SGIP1: variants seen among roughly 807,000 people sequenced by gnomAD.
The protein encoded by SGIP1 is SH3GL interacting endocytic adaptor 1.
SGIP1 carries 38 observed loss-of-function variants against 107.5 expected under a neutral mutation model. The observed-to-expected ratio is 0.35, with a 90% CI of 0.27 to 0.46. The LOEUF is 0.46. Ranked by LOEUF, SGIP1 falls within the 20% of genes least tolerant of loss-of-function variation. The pLI is 1.00. For synonymous variants in SGIP1, 365 were observed against 366.1 expected (o/e 1.00, Z 0.03); for missense variants, 929 against 1,019.5 (o/e 0.91, Z 1.21).
intron 3 of SGIP1, among the ~76,000 whole-genome samples, chr1:66,634,849 T>A (rs1331069344): frequency 2.0e-5 from 3 of 152,238 alleles, no homozygotes; most frequent in African/African-American, 7.2e-5. Flanking sequence ...CCACGTTTAC[T>A]ATGGTCACTG....
intron 1 of SGIP1, among the ~76,000 whole-genome samples, chr1:66,574,530 A>C (rs2060798033): frequency 1.3e-5 from 2 of 152,152 alleles, no homozygotes; most frequent in Admixed American, 6.6e-5. Context: ...GAGAACAATT[A>C]GATTGTTTTT....
At chr1:66,615,989 A>G (rs1347058011) in intron 1 of SGIP1, 1 of 152,246 alleles carries the variant, frequency 6.6e-6, no homozygotes. Context: ...AAGTAGAAGG[A>G]GCACTGACCT....
chr1:66,602,640 T>TAATAAATAAATAAATA (rs59060604), intron 1 of SGIP1, among the ~76,000 whole-genome samples: 18 of 150,638 alleles, frequency 1.2e-4, no homozygotes, highest in African/African-American at 3.6e-4. Flanking sequence ...TAAAGTATAA[T>TAATAAATAAATAAATA]AATAAATAAA....
chr1:66,547,119 A>G (rs975423015), intron 1 of SGIP1, among the ~76,000 whole-genome samples: 7 of 152,206 alleles, frequency 4.6e-5, no homozygotes, highest in Non-Finnish European at 1.5e-5. Context: ...GTTGGGTTAG[A>G]TATTTTGAAG....
intron 7 of SGIP1, among the ~76,000 whole-genome samples, chr1:66,646,227 A>G (rs1172936108): frequency 6.6e-6 from 1 of 152,176 alleles, no homozygotes; most frequent in Admixed American, 6.5e-5. Context: ...AGCTGGTGCC[A>G]TGATCAAAAT....
At chr1:66,633,634 C>T (rs2075237671) in intron 3 of SGIP1, among the ~76,000 whole-genome samples, 1 of 152,162 alleles carries the variant, frequency 6.6e-6, no homozygotes. Context: ...TAACAGTTAA[C>T]TCTGACTCCT....
intron 1 of SGIP1, among the ~76,000 whole-genome samples, chr1:66,555,790 C>T (rs1356694442): frequency 6.6e-6 from 1 of 152,106 alleles, no homozygotes; most frequent in Non-Finnish European, 1.5e-5. Flanking sequence ...AAAGCACTAC[C>T]TATGTATCAG....
At chr1:66,672,207 T>A (rs1421749499) in intron 11 of SGIP1, among the ~76,000 whole-genome samples, 1 of 152,200 alleles carries the variant, frequency 6.6e-6, no homozygotes, top group Non-Finnish European at 1.5e-5. Context: ...TCTGCCCTTA[T>A]CTGAAGTAAC....
intron 1 of SGIP1, among the ~76,000 whole-genome samples, chr1:66,570,071 C>T (rs1301998121): frequency 6.6e-6 from 1 of 151,756 alleles, no homozygotes. Context: ...GTAATGTCCT[C>T]TCTTTCACTT....
At chr1:66,696,234 C>A (rs2090898531) in intron 18 of SGIP1, among the ~76,000 whole-genome samples, 1 of 152,070 alleles carries the variant, frequency 6.6e-6, no homozygotes, top group African/African-American at 2.4e-5. Flanking sequence ...TCTTAACAGG[C>A]CAGTCATTTG....
intron 1 of SGIP1, among the ~76,000 whole-genome samples, chr1:66,551,768 T>G (rs1417869085): frequency 6.6e-6 from 1 of 152,160 alleles, no homozygotes; most frequent in African/African-American, 2.4e-5. Flanking sequence ...AATTCTTTAG[T>G]CAGAGCATGA....
chr1:66,545,109 C>T (rs1168616365), intron 1 of SGIP1, among the ~76,000 whole-genome samples: 1 of 152,136 alleles, frequency 6.6e-6, no homozygotes, highest in Non-Finnish European at 1.5e-5. Context: ...TTGCTGCTTC[C>T]ACCTTCCAAT....
chr1:66,677,225 A>T (rs1417661926), intron 13 of SGIP1, 129 bp downstream of exon 13: 1 of 683,474 alleles, frequency 1.5e-6, no homozygotes, highest in East Asian at 2.7e-5. Flanking sequence ...TTAAGAAGAG[A>T]TGTTATTCTA....
intron 18 of SGIP1, among the ~76,000 whole-genome samples, chr1:66,713,225 A>G (rs1193714821): frequency 1.3e-5 from 2 of 152,154 alleles, no homozygotes; most frequent in African/African-American, 4.8e-5. Flanking sequence ...CTTACCTTAT[A>G]GCACTCATAA....
chr1:66,541,554 A>G (rs758902194), intron 1 of SGIP1, among the ~76,000 whole-genome samples: 9 of 152,356 alleles, frequency 5.9e-5, no homozygotes, highest in Middle Eastern at 3.4e-3. Context: ...AAATGCCATG[A>G]AAGTGTCATT....
Position 66,643,773 on chromosome 1 carries a change from T to G in SGIP1, c.459+54T>G, listed in dbSNP as rs2077176113. 18 of 1,504,758 alleles carry G rather than the reference T, an allele frequency of 1.2e-5. No homozygotes were observed. The South Asian group carries it at 1.9e-4, about 16-fold the overall frequency. 93.2% of individuals were successfully genotyped at this position (1,504,758 alleles called of 1,614,324 possible). A position where few individuals can be genotyped will look rare whatever the true frequency, so the allele number is the denominator to read the frequency against. ...TTTAGTGAGATTGAACAGGGCTATG[T>G]TCTGCCTATATGCATTAAGTCAATC... On this transcript the variant is annotated intron_variant, in intron 7 of 24. Transcript: ENST00000371037.
At position 66,630,898 on chromosome 1, in the gene SGIP1, A is replaced by AGAAAGAAG. The variant is rs1178848396; in HGVS notation, c.75-2170_75-2163dup. Among the ~76,000 whole-genome samples the AGAAAGAAG allele has an allele frequency of 5.3e-3, 44 of 8,260 alleles. 13 individuals are homozygous for AGAAAGAAG. The highest frequency in any genetic ancestry group is 7.8e-3 in the African/African-American group (16 of 2,040). 5.4% of individuals were successfully genotyped at this position (8,260 alleles called of 152,430 possible). ...AAGAAAGAAAGAAAGAAAGAAAGAA[A>AGAAAGAAG]GAAAGAAGGGAGGGAGGGAGGGAGG... is the stretch of plus-strand genomic sequence containing the variant. On this transcript the variant is annotated intron_variant, in intron 2 of 24. Coordinates refer to ENST00000371037, the MANE Select transcript of SGIP1 (RefSeq NM_032291.4).
chr1:66,575,941 G>T (rs969503619), intron 1 of SGIP1, among the ~76,000 whole-genome samples: 1 of 152,166 alleles, frequency 6.6e-6, no homozygotes, highest in Non-Finnish European at 1.5e-5. Context: ...TCGTCAGTAC[G>T]CTAGGAGCCA....
intron 12 of SGIP1, 99 bp downstream of exon 12, chr1:66,673,465 T>C (rs1291320646): frequency 8.2e-6 from 9 of 1,098,608 alleles, no homozygotes; most frequent in Non-Finnish European, 8.7e-6. Flanking sequence ...ATATTTTTAA[T>C]ATATTATTTT....
Sources: gnomAD v4.1 joint callset for allele counts (sites outside exome capture counted in the v4.1 genomes callset) on GRCh38, gnomAD v4.1.1 for gene constraint, MANE v1.5 for transcripts, NCBI Gene and HGNC (gene_info 2026-07-23, HGNC 2026-07-21) for gene names.